The following ASAP2 variants were observed in gnomAD, a reference collection of about 807,000 sequenced individuals.
The protein encoded by ASAP2 is ArfGAP with SH3 domain, ankyrin repeat and PH domain 2, also known as arf-GAP with SH3 domain, ANK repeat and PH domain-containing protein 2.
A neutral mutation model predicts 131.4 loss-of-function variants in ASAP2; 45 were observed. The observed-to-expected ratio is 0.34, with a 90% CI of 0.27 to 0.44. ASAP2 has a LOEUF of 0.44. ASAP2 is among the 20% of genes least tolerant of loss of function. The pLI, the probability that ASAP2 is intolerant of heterozygous loss-of-function variation, is 1.00. For synonymous variants in ASAP2, 510 were observed against 503.0 expected (o/e 1.01, Z -0.19); for missense variants, 1,011 against 1,297.0 (o/e 0.78, Z 3.39).
intron 11 of ASAP2, chr2:9,350,386 TA>T (rs2148628210): frequency 6.4e-6 from 1 of 155,992 alleles, no homozygotes; most frequent in Non-Finnish European, 1.4e-5. Flanking sequence ...AGGTTTATGC[TA>T]AGAAAAAACG....
chr2:9,368,600 GT>G, intron 16 of ASAP2, 81 bp downstream of exon 16: 1 of 1,189,634 alleles, frequency 8.4e-7, no homozygotes, highest in Non-Finnish European at 1.2e-6. Flanking sequence ...GGAATAAGAA[GT>G]TTTGGGTGCA....
At chr2:9,367,812 G>C (rs933995727) in intron 15 of ASAP2, among the ~76,000 whole-genome samples, 3 of 152,194 alleles carry the variant, frequency 2.0e-5, no homozygotes, top group Non-Finnish European at 4.4e-5. Context: ...AGATTGATTG[G>C]CAAGTAAAGA....
chr2:9,224,168 A>G (rs1011256081), intron 1 of ASAP2, among the ~76,000 whole-genome samples: 2 of 152,300 alleles, frequency 1.3e-5, no homozygotes, highest in East Asian at 1.9e-4. Flanking sequence ...ATTGCTGAGC[A>G]GTGCGAGGGA....
intron 16 of ASAP2, among the ~76,000 whole-genome samples, chr2:9,370,601 G>A (rs1027987347): frequency 2.6e-5 from 4 of 152,178 alleles, no homozygotes. Flanking sequence ...TAAAAAAAGG[G>A]AGATAACGTT....
chr2:9,378,502 C>T (rs919270008), intron 18 of ASAP2, among the ~76,000 whole-genome samples: 3 of 152,236 alleles, frequency 2.0e-5, no homozygotes, highest in Non-Finnish European at 4.4e-5. Flanking sequence ...AAAAGCTCAG[C>T]CTCCGTCCTC....
chr2:9,401,801 G>A (rs747477982), intron 27 of ASAP2, among the ~76,000 whole-genome samples: 3 of 152,266 alleles, frequency 2.0e-5, no homozygotes, highest in East Asian at 1.9e-4. Context: ...CCGCCCAGGC[G>A]TCCAGCAGGG....
intron 1 of ASAP2, among the ~76,000 whole-genome samples, chr2:9,254,254 TACACGTGTGTGTGTATGC>T (rs1664969541): frequency 6.1e-5 from 4 of 65,734 alleles, no homozygotes; most frequent in East Asian, 2.6e-4. Flanking sequence ...TATATATATA[TACACGTGTGTGTGTATGC>T]ATATATATAG....
chr2:9,394,926 CG>C (rs1314773016), intron 24 of ASAP2, among the ~76,000 whole-genome samples: 4 of 152,200 alleles, frequency 2.6e-5, no homozygotes, highest in African/African-American at 9.7e-5. Context: ...TCACGCCCCC[CG>C]TGGTAGCTGA....
intron 1 of ASAP2, among the ~76,000 whole-genome samples, chr2:9,212,526 G>A (rs142424565): frequency 0.022 from 3,401 of 152,202 alleles, 47 homozygotes; most frequent in South Asian, 0.043. Flanking sequence ...CCAGCTCGGC[G>A]TCTGCGGTAG....
At chr2:9,306,053 G>A (rs1043889776) in intron 3 of ASAP2, among the ~76,000 whole-genome samples, 2 of 132,400 alleles carry the variant, frequency 1.5e-5, no homozygotes, top group South Asian at 2.8e-4. Flanking sequence ...GGAGAGTATC[G>A]ATATGAGGTA....
chr2:9,322,532 T>TC, intron 5 of ASAP2, among the ~76,000 whole-genome samples: 1 of 152,326 alleles, frequency 6.6e-6, no homozygotes, highest in South Asian at 2.1e-4. Context: ...CCCTGGTGGC[T>TC]CTTCTTTGGA....
chr2:9,387,021 G>A (rs573574881), intron 21 of ASAP2, among the ~76,000 whole-genome samples: 15 of 151,364 alleles, frequency 9.9e-5, no homozygotes, highest in East Asian at 5.8e-4. Flanking sequence ...TGGCTAACAC[G>A]GTGAAACCCC....
chr2:9,361,463 G>A (rs558741868), intron 15 of ASAP2, among the ~76,000 whole-genome samples: 35 of 152,182 alleles, frequency 2.3e-4, no homozygotes, highest in African/African-American at 8.2e-4. Flanking sequence ...CAGTACGTAG[G>A]GTGTCAGGTG....
intron 1 of ASAP2, among the ~76,000 whole-genome samples, chr2:9,258,244 C>CA (rs34722605): frequency 0.51 from 65,789 of 129,388 alleles, 15,740 homozygotes; most frequent in Middle Eastern, 0.54. Context: ...TACTTCATCT[C>CA]AAAAAAAAAA....
intron 1 of ASAP2, among the ~76,000 whole-genome samples, chr2:9,225,129 G>A (rs192157810): frequency 4.4e-4 from 67 of 152,328 alleles, no homozygotes; most frequent in Non-Finnish European, 8.2e-4. Context: ...GTTTTTAGGG[G>A]TTGTAAACAA....
chr2:9,401,315 T>A lies in ASAP2; in HGVS notation c.2865T>A (p.Cys955Ter). The A allele has an allele frequency of 6.2e-7, 1 of 1,613,578 alleles. No individual in the cohort carries two copies. The highest frequency in any genetic ancestry group is 8.5e-7 in the Non-Finnish European group (1 of 1,179,940). The change falls in exon 27 of 28, where the codon TGT (cysteine) becomes TGA (stop). Residue 955 changes from cysteine to a stop codon, truncating the protein, a stop_gained. Transcript: ENST00000281419. LOFTEE classifies it high-confidence loss of function. Reference sequence around the variant, plus strand: ...AGCGGGTGAAAGCGCTCTATAACTGTGTGGCTGACAACCCCGATGAGCTCA... The same window carrying A: ...AGCGGGTGAAAGCGCTCTATAACTGAGTGGCTGACAACCCCGATGAGCTCA... Reference protein sequence around the residue: ...KPKRVKALYNCVADNPDELTF... With the variant: ...KPKRVKALYN
intron 17 of ASAP2, among the ~76,000 whole-genome samples, chr2:9,375,641 C>T (rs1674347487): frequency 6.6e-6 from 1 of 152,160 alleles, no homozygotes; most frequent in South Asian, 2.1e-4. Flanking sequence ...AGGATTTATT[C>T]TCCTTGTCTA....
intron 2 of ASAP2, 69 bp from the exon 3 acceptor site, chr2:9,297,231 G>T: frequency 6.3e-7 from 1 of 1,582,184 alleles, no homozygotes; most frequent in South Asian, 1.1e-5. Flanking sequence ...ATTCACAACC[G>T]AGAAGAACCT....
At chr2:9,224,951 C>T (rs1175788685) in intron 1 of ASAP2, among the ~76,000 whole-genome samples, 2 of 152,160 alleles carry the variant, frequency 1.3e-5, no homozygotes, top group Non-Finnish European at 2.9e-5. Flanking sequence ...GTGGGAGTCT[C>T]ACCAAAGGAG....
Sources: allele counts gnomAD v4.1 joint callset (sites outside exome capture counted in the v4.1 genomes callset), GRCh38; gene constraint gnomAD v4.1.1; transcripts MANE v1.5; gene names NCBI Gene and HGNC (gene_info 2026-07-23, HGNC 2026-07-21).